ZNF827: variants seen among roughly 807,000 people sequenced by gnomAD.
ZNF827 encodes the protein zinc finger protein 827.
Under a neutral mutation model 102.4 loss-of-function variants are expected in ZNF827, and 13 were observed. That is an observed-to-expected ratio of 0.13 (90% CI 0.08 to 0.20). The LOEUF (loss-of-function observed/expected upper bound fraction) is 0.20. ZNF827 is among the 10% of genes least tolerant of loss of function. The pLI, the probability that ZNF827 is intolerant of heterozygous loss-of-function variation, is 1.00. For synonymous variants in ZNF827, 523 were observed against 536.2 expected, an observed-to-expected ratio of 0.98 and a Z score of 0.34; for missense variants, 1,103 against 1,344.4, an observed-to-expected ratio of 0.82 and a Z score of 2.81.
At chr4:145,880,630 A>C (rs757474660) in intron 4 of ZNF827, among the ~76,000 whole-genome samples, 1 of 152,352 alleles carries the variant, frequency 6.6e-6, no homozygotes, top group East Asian at 1.9e-4. Flanking sequence ...AAGTTCAATA[A>C]AGTCGAGAAT....
At chr4:145,775,767 G>A (rs1189859751) in intron 10 of ZNF827, 22 bp downstream of exon 10, 1 of 1,613,880 alleles carries the variant, frequency 6.2e-7, no homozygotes, top group South Asian at 1.1e-5. Context: ...AGGCGGACTA[G>A]CATGTTCCAT....
At chr4:145,829,877 T>A (rs1228394126) in intron 7 of ZNF827, among the ~76,000 whole-genome samples, 4 of 152,190 alleles carry the variant, frequency 2.6e-5, no homozygotes, top group African/African-American at 9.7e-5. Flanking sequence ...ATGCCACAGA[T>A]GTGTCAGTAT....
chr4:145,837,467 G>GC (rs899502187), intron 7 of ZNF827, among the ~76,000 whole-genome samples: 25 of 141,770 alleles, frequency 1.8e-4, no homozygotes, highest in Non-Finnish European at 3.4e-4. Context: ...CTTAGACTGT[G>GC]CCCCCCACCA....
Position 145,922,071 on chromosome 4 carries a change from G to C in ZNF827, c.43+16294C>G, listed in dbSNP as rs551858040. ...ACATCAAGGAAATCTCACAGAAGCT[G>C]TGAGAACCGTTGTGAGTTTAGGATT... is the stretch of plus-strand genomic sequence containing the variant. On this transcript the variant is annotated intron_variant, in intron 1 of 14. Transcript: ENST00000508784. 3.1e-4 allele frequency among the ~76,000 whole-genome samples: 47 copies of C among 152,362 alleles called. 1 individual carries two copies. In the South Asian group the frequency reaches 9.7e-3, roughly 32 times the overall value.
chr4:145,868,159 AT>A lies in ZNF827; in HGVS notation c.1981+2085del, dbSNP rs576654977. Among the ~76,000 whole-genome samples, 4 of 152,282 alleles carry A rather than the reference AT, an allele frequency of 2.6e-5. No homozygotes were observed. In the South Asian group the frequency reaches 6.2e-4, roughly 24 times the overall value. On this transcript the variant is annotated intron_variant, in intron 5 of 14. Coordinates refer to ENST00000508784, the MANE Select transcript of ZNF827 (RefSeq NM_001306215.2). ...GCTTTTAAGTCACATGCCTATTGTT[AT>A]GACTAAAAAACTTCTTCCCAGTTTA...
At chr4:145,802,021 G>T (rs1232428859) in intron 8 of ZNF827, among the ~76,000 whole-genome samples, 1 of 152,130 alleles carries the variant, frequency 6.6e-6, no homozygotes, top group African/African-American at 2.4e-5. Context: ...AGGGTCATTT[G>T]TCCCTTATCT....
chr4:145,766,232 C>T (rs750656789), intron 11 of ZNF827, among the ~76,000 whole-genome samples: 4 of 151,960 alleles, frequency 2.6e-5, no homozygotes, highest in South Asian at 2.1e-4. Flanking sequence ...CATCAGTACT[C>T]GGGACCCTCT....
chr4:145,814,101 T>C (rs1366107568), intron 8 of ZNF827, among the ~76,000 whole-genome samples: 1 of 152,204 alleles, frequency 6.6e-6, no homozygotes, highest in Non-Finnish European at 1.5e-5. Flanking sequence ...AGCACCAGCA[T>C]CATGCTCAAA....
intron 4 of ZNF827, among the ~76,000 whole-genome samples, chr4:145,873,398 C>T (rs1036843345): frequency 1.3e-5 from 2 of 152,172 alleles, no homozygotes; most frequent in Non-Finnish European, 2.9e-5. Flanking sequence ...AGAACTAAGA[C>T]CTCCAAAATA....
At chr4:145,881,767 GA>G (rs1458790652) in intron 4 of ZNF827, among the ~76,000 whole-genome samples, 1 of 152,056 alleles carries the variant, frequency 6.6e-6, no homozygotes, top group Non-Finnish European at 1.5e-5. Flanking sequence ...GACCTATGGT[GA>G]AAGCCACAGG....
chr4:145,910,123 A>C (rs1191803872), intron 1 of ZNF827, among the ~76,000 whole-genome samples: 2 of 152,154 alleles, frequency 1.3e-5, no homozygotes, highest in Non-Finnish European at 2.9e-5. Context: ...AAGTCTGGAG[A>C]CGAGAGTAGT....
chr4:145,906,483 C>CA (rs142957329), intron 1 of ZNF827, among the ~76,000 whole-genome samples: 1,906 of 152,300 alleles, frequency 0.013, 36 homozygotes, highest in African/African-American at 0.04. Flanking sequence ...CTTCTACTGG[C>CA]AAAGTCCCAA....
At chr4:145,903,264 T>A (rs989117022) in intron 1 of ZNF827, 49 bp from the exon 2 acceptor site, 1 of 1,546,376 alleles carries the variant, frequency 6.5e-7, no homozygotes. Context: ...GAACAATAAG[T>A]AAGTCTCAAG....
intron 8 of ZNF827, among the ~76,000 whole-genome samples, chr4:145,790,883 A>G (rs550516490): frequency 2.0e-5 from 3 of 152,330 alleles, no homozygotes; most frequent in South Asian, 2.1e-4. Flanking sequence ...TTAGCACATT[A>G]TAACATTTTT....
chr4:145,936,554 G>T (rs976416819), intron 1 of ZNF827, among the ~76,000 whole-genome samples: 1 of 152,164 alleles, frequency 6.6e-6, no homozygotes, highest in African/African-American at 2.4e-5. Context: ...CGGACTGCTT[G>T]CAAGTGCCCT....
At chr4:145,827,994 G>A (rs537847141) in intron 7 of ZNF827, among the ~76,000 whole-genome samples, 2 of 152,340 alleles carry the variant, frequency 1.3e-5, no homozygotes, top group South Asian at 4.1e-4. Context: ...AAGGGGTGGT[G>A]AGGCTGACAC....
At chr4:145,766,323 C>T (rs1476185319) in intron 11 of ZNF827, among the ~76,000 whole-genome samples, 5 of 152,114 alleles carry the variant, frequency 3.3e-5, no homozygotes, top group East Asian at 1.9e-4. Flanking sequence ...CAAGAGAGCG[C>T]GTCAGGGACT....
At chr4:145,775,164 G>A (rs1237378169) in intron 10 of ZNF827, among the ~76,000 whole-genome samples, 2 of 152,096 alleles carry the variant, frequency 1.3e-5, no homozygotes, top group Non-Finnish European at 2.9e-5. Context: ...ACTCTATCCG[G>A]GACAACTTCT....
At chr4:145,857,395 G>A (rs1237235353) in intron 5 of ZNF827, among the ~76,000 whole-genome samples, 2 of 152,168 alleles carry the variant, frequency 1.3e-5, no homozygotes, top group Non-Finnish European at 2.9e-5. Context: ...TTTTCTACAA[G>A]ATCAAAGCGC....
Sources: gnomAD v4.1 joint callset for allele counts (sites outside exome capture counted in the v4.1 genomes callset) on GRCh38, gnomAD v4.1.1 for gene constraint, MANE v1.5 for transcripts, NCBI Gene and HGNC (gene_info 2026-07-23, HGNC 2026-07-21) for gene names.